The following CORO7 variants were observed in gnomAD, a reference collection of about 807,000 sequenced individuals.
CORO7 encodes coronin-7.
Under a neutral mutation model 126.6 loss-of-function variants are expected in CORO7, and 107 were observed. That is an observed-to-expected ratio of 0.85 (90% confidence interval 0.72 to 0.99). The LOEUF is 0.99. CORO7 is among the 50% of genes least tolerant of loss of function. CORO7 has a pLI of 0.00. For missense variants in CORO7, 1,314 were observed against 1,255.8 expected (o/e 1.05, Z -0.70); for synonymous variants, 603 against 536.8 (o/e 1.12, Z -1.70).
intron 9 of CORO7, among the ~76,000 whole-genome samples, chr16:4,374,344 C>A (rs2054642112): frequency 6.6e-6 from 1 of 152,148 alleles, no homozygotes; most frequent in Admixed American, 6.5e-5. Context: ...ATTCCAGCCT[C>A]CCTGGGTGTG....
At chr16:4,370,285 G>A (rs919162061) in intron 9 of CORO7, among the ~76,000 whole-genome samples, 2 of 152,192 alleles carry the variant, frequency 1.3e-5, no homozygotes, top group African/African-American at 4.8e-5. Context: ...AGATGGTTCT[G>A]GGGCCGGGCA....
At position 4,413,386 on chromosome 16, in the gene CORO7, G is replaced by A. The variant is rs753411850; in HGVS notation, c.79C>T (p.Arg27Ter). 21 of 1,575,304 alleles carry A rather than the reference G, an allele frequency of 1.3e-5. No homozygotes were observed. Among genetic ancestry groups the A allele is most frequent in the South Asian group, 1.3e-4 (11 of 86,196 alleles). The change falls in exon 2 of 28, where the codon CGA (arginine) becomes TGA (stop). Residue 27 changes from arginine (R) to a stop codon, truncating the protein, a stop_gained. Coordinates refer to ENST00000251166, the MANE Select transcript of CORO7 (RefSeq NM_024535.5). LOFTEE classifies it high-confidence loss of function. Reference protein sequence around the residue: ...PRRESWISDIRAGTAPSCRNH... With the variant: ...PRRESWISDI ...CTGCATGAAGGGGCGGTTCCTGCTC[G>A]AATGTCACTGATCCAGGACTGAAAA...
At position 4,413,313 on chromosome 16, in the gene CORO7, C is replaced by A. The variant is rs561810989; in HGVS notation, c.152G>T (p.Arg51Leu). ...SCSLIAFNSD[R>L]PGVLGIVPLQ... ...CACTCATGGCCATTCCCTACCAGGA[C>A]GGTCGGAGTTGAAGGCGATCAAGCT... The change falls in exon 2 of 28, where the codon CGT (arginine) becomes CTT (leucine). Residue 51 changes from arginine (R) to leucine (L), a missense_variant. Physicochemically the swap from Arg to Leu is moderately radical, Grantham distance 102. Transcript: ENST00000251166. 2.2e-5 allele frequency: 34 copies of A among 1,576,710 alleles called. No homozygotes were observed. Among genetic ancestry groups the A allele is most frequent in the Non-Finnish European group, 2.8e-5 (32 of 1,159,938 alleles).
intron 9 of CORO7, among the ~76,000 whole-genome samples, chr16:4,369,372 G>A (rs1288684425): frequency 6.6e-6 from 1 of 152,266 alleles, no homozygotes; most frequent in Admixed American, 6.5e-5. Flanking sequence ...CCCCAGCCAG[G>A]CAGAGGGCCA....
intron 5 of CORO7, among the ~76,000 whole-genome samples, chr16:4,407,021 C>T (rs1029206166): frequency 6.6e-6 from 1 of 151,800 alleles, no homozygotes; most frequent in African/African-American, 2.4e-5. Context: ...AATCTCGGCT[C>T]ACTGCAACCT....
intron 24 of CORO7, 119 bp from the exon 25 acceptor site, chr16:4,358,222 G>A (rs2054042362): frequency 1.3e-6 from 2 of 1,535,142 alleles, no homozygotes; most frequent in African/African-American, 2.8e-5. Flanking sequence ...GGGCTTCCAT[G>A]AGTTTCAGCA....
intron 23 of CORO7, 90 bp downstream of exon 23, chr16:4,359,206 C>T (rs1345779528): frequency 5.0e-6 from 7 of 1,395,874 alleles, no homozygotes; most frequent in Non-Finnish European, 6.7e-6. Context: ...TGACCCCCGA[C>T]CCACAGGCTC....
At chr16:4,385,239 G>A (rs767178515) in intron 9 of CORO7, among the ~76,000 whole-genome samples, 5 of 152,098 alleles carry the variant, frequency 3.3e-5, no homozygotes, top group East Asian at 3.9e-4. Flanking sequence ...CATGCCCGGC[G>A]ACCTCGTCTA....
intron 6 of CORO7, among the ~76,000 whole-genome samples, chr16:4,402,321 TC>T (rs2055840729): frequency 6.6e-6 from 1 of 152,012 alleles, no homozygotes; most frequent in Admixed American, 6.6e-5. Flanking sequence ...AGTGGCTCAA[TC>T]CGAGCTCACT....
Position 4,355,145 on chromosome 16 carries a change from A to G in CORO7, c.*13T>C. The G allele has an allele frequency of 4.0e-6, 6 of 1,503,980 alleles. No homozygotes were observed. Among genetic ancestry groups the G allele is most frequent in the African/African-American group, 1.4e-5 (1 of 72,398 alleles). 93.2% of individuals were successfully genotyped at this position (1,503,980 alleles called of 1,614,324 possible). A position where few individuals can be genotyped will look rare whatever the true frequency, so the allele number is the denominator to read the frequency against. ...TGGCAGCACAGGTGAGGTGGAGGTG[A>G]CGGGGGCGCAGGCTAGTCCTGGGGC... On this transcript the variant is annotated 3_prime_UTR_variant, in exon 28 of 28. Coordinates refer to ENST00000251166, the MANE Select transcript of CORO7 (RefSeq NM_024535.5).
intron 1 of CORO7, chr16:4,415,918 G>C (rs533637484): frequency 2.0e-6 from 2 of 985,446 alleles, no homozygotes; most frequent in Non-Finnish European, 2.4e-6. Context: ...CGCCAGCGGC[G>C]AGAGGAGGAA....
intron 9 of CORO7, among the ~76,000 whole-genome samples, chr16:4,387,591 G>A (rs1377701439): frequency 6.1e-5 from 5 of 82,570 alleles, no homozygotes; most frequent in African/African-American, 1.9e-4. Context: ...CAATGCCCAC[G>A]TCCACCCTCC....
In CORO7 at chr16:4,362,876, C is replaced by A. The variant is rs973575121; in HGVS notation, c.1276-138G>T. On this transcript the variant is annotated intron_variant, in intron 14 of 27. Coordinates refer to ENST00000251166, the MANE Select transcript of CORO7 (RefSeq NM_024535.5). The surrounding 1 kb of genome is among the most constrained non-coding windows in gnomAD (Gnocchi z 5.3). Reference sequence around the variant, plus strand: ...CCCCACTGTGGGCATGCGACAGGAGCGGCGGGGGGCACGGGCATAAACGCA... The same window carrying A: ...CCCCACTGTGGGCATGCGACAGGAGAGGCGGGGGGCACGGGCATAAACGCA... 5 of 1,041,634 alleles carry A rather than the reference C, an allele frequency of 4.8e-6. No homozygotes were observed. The African/African-American group carries it at 8.2e-5, about 17-fold the overall frequency. 64.5% of individuals were successfully genotyped at this position (1,041,634 alleles called of 1,614,324 possible). A position where few individuals can be genotyped will look rare whatever the true frequency, so the allele number is the denominator to read the frequency against.
chr16:4,358,764 A>T (rs1444225708), intron 23 of CORO7: 1 of 380,468 alleles, frequency 2.6e-6, no homozygotes, highest in Non-Finnish European at 4.7e-6. Flanking sequence ...TGTAAATAGC[A>T]CATCATCCTG....
chr16:4,358,089 C>G lies in CORO7; in HGVS notation c.2472G>C (p.Gln824His). 2.5e-6 allele frequency: 4 copies of G among 1,612,450 alleles called. No homozygotes were observed. The highest frequency in any genetic ancestry group is 3.4e-6 in the Non-Finnish European group (4 of 1,178,938). ...RLPRVRKEFFQDDVFPDTAVI... is the reference protein window; with the variant it reads ...RLPRVRKEFFHDDVFPDTAVI... The stretch of plus-strand genomic sequence containing the variant: ...CAGCCGTGTCTGGGAACACGTCATC[C>G]TGGAAGAACTCTTTCTGCAGAGGGA... The change falls in exon 25 of 28, where the codon CAG (glutamine) becomes CAC (histidine). Residue 824 changes from glutamine to histidine, a missense_variant. Gln to His is a conservative substitution (Grantham distance 24, BLOSUM62 0). Coordinates refer to ENST00000251166, the MANE Select transcript of CORO7 (RefSeq NM_024535.5).
In CORO7 at chr16:4,364,850, C is replaced by A. The variant is rs2054297860; in HGVS notation, c.969G>T (p.Met323Ile). The A allele has an allele frequency of 6.2e-7, 1 of 1,611,982 alleles. No individual in the cohort carries two copies. Among genetic ancestry groups the A allele is most frequent in the South Asian group, 1.1e-5 (1 of 90,982 alleles). Residue 323 changes from methionine to isoleucine, a missense_variant, in exon 12 of 28, where the codon ATG (methionine) becomes ATT (isoleucine). Transcript: ENST00000251166. ...ALVPRQALAVMSCEVLRVLQL... is the reference protein window; with the variant it reads ...ALVPRQALAVISCEVLRVLQL... ...GTAGGACGCGGAGTACCTCGCAGCTCATGACGGCCAGCGCCTGCCGGGGCA... is the reference window on the plus strand; with the variant it reads ...GTAGGACGCGGAGTACCTCGCAGCTAATGACGGCCAGCGCCTGCCGGGGCA...
chr16:4,390,722 G>C (rs2055357274), intron 7 of CORO7, among the ~76,000 whole-genome samples: 1 of 152,186 alleles, frequency 6.6e-6, no homozygotes, highest in East Asian at 1.9e-4. Flanking sequence ...TCACATGTGG[G>C]AAGCCTAAAG....
At chr16:4,378,589 G>A (rs1185953943) in intron 9 of CORO7, among the ~76,000 whole-genome samples, 1 of 152,138 alleles carries the variant, frequency 6.6e-6, no homozygotes, top group Non-Finnish European at 1.5e-5. Context: ...CTAGGGGTGT[G>A]GCCCCAGGGC....
intron 9 of CORO7, chr16:4,382,484 T>G (rs1483169915): frequency 1.2e-6 from 2 of 1,602,978 alleles, no homozygotes; most frequent in South Asian, 1.1e-5. Context: ...GTCTGTGTCA[T>G]GCCTTTGGGG....
Sources: gnomAD v4.1 joint callset for allele counts (sites outside exome capture counted in the v4.1 genomes callset) on GRCh38, gnomAD v4.1.1 for gene constraint, Gnocchi (gnomAD v3.1) non-coding constraint, MANE v1.5 for transcripts, NCBI Gene and HGNC (gene_info 2026-07-23, HGNC 2026-07-21) for gene names.